Variants in MYO5A observed in about 807,000 individuals in gnomAD.
MYO5A encodes unconventional myosin-Va.
A neutral mutation model predicts 249.7 loss-of-function variants in MYO5A; 98 were observed. The ratio of observed to expected loss-of-function variants is 0.39; its 90% CI spans 0.33 to 0.46. The LOEUF (loss-of-function observed/expected upper bound fraction) is 0.46, where lower values mean the gene tolerates loss of function less well. MYO5A is among the 20% of genes least tolerant of loss of function. MYO5A has a pLI of 0.98. For missense variants in MYO5A, 1,696 were observed against 2,308.8 expected, an observed-to-expected ratio of 0.73 and a Z score of 5.44; for synonymous variants, 778 against 810.6, an observed-to-expected ratio of 0.96 and a Z score of 0.68.
chr15:52,509,908 G>A (rs746905014), intron 1 of MYO5A, among the ~76,000 whole-genome samples: 6 of 151,854 alleles, frequency 4.0e-5, no homozygotes, highest in Non-Finnish European at 7.4e-5. Context: ...AAAAAAAAGA[G>A]CACAAAAAAG....
chr15:52,420,877 G>C (rs982971300), intron 4 of MYO5A, among the ~76,000 whole-genome samples: 1 of 152,126 alleles, frequency 6.6e-6, no homozygotes, highest in African/African-American at 2.4e-5. Flanking sequence ...AAGAAGAAAG[G>C]CTTCAGAGTC....
intron 1 of MYO5A, among the ~76,000 whole-genome samples, chr15:52,474,924 C>T (rs1178438211): frequency 6.6e-6 from 1 of 152,172 alleles, no homozygotes; most frequent in African/African-American, 2.4e-5. Flanking sequence ...GGAGGATTCC[C>T]TCTTTTTCTA....
chr15:52,432,125 A>G (rs1440472022), intron 2 of MYO5A, among the ~76,000 whole-genome samples: 1 of 150,942 alleles, frequency 6.6e-6, no homozygotes. Context: ...GATTAAAGTA[A>G]TAAATAAATG....
At position 52,519,043 on chromosome 15, in the gene MYO5A, G is replaced by A. The variant is rs117203542; in HGVS notation, c.27+9737C>T. On this transcript the variant is annotated intron_variant, in intron 1 of 41. Coordinates refer to ENST00000399233, the MANE Select transcript of MYO5A (RefSeq NM_001382347.1). ...GTGGGTAGATAAAATTAAATAGTAG[G>A]GGGATAAAGCAGATGAACAGGTGGA... Among the ~76,000 whole-genome samples, 687 of 152,190 alleles carry A rather than the reference G, an allele frequency of 4.5e-3. 2 individuals carry two copies. The highest frequency in any genetic ancestry group is 7.6e-3 in the Non-Finnish European group (517 of 68,014).
chr15:52,315,478 C>A (rs886655942), intron 40 of MYO5A, among the ~76,000 whole-genome samples: 2 of 151,938 alleles, frequency 1.3e-5, no homozygotes, highest in African/African-American at 2.4e-5. Flanking sequence ...AGGTTCAAGT[C>A]ATTCTCCTGC....
chr15:52,358,025 A>G (rs1248857576), intron 25 of MYO5A, among the ~76,000 whole-genome samples: 1 of 152,222 alleles, frequency 6.6e-6, no homozygotes. Context: ...GGTGTGAGAA[A>G]GCTTGACAGC....
Position 52,491,821 on chromosome 15 carries a change from C to T in MYO5A, c.27+36959G>A, listed in dbSNP as rs12437871. Among the ~76,000 whole-genome samples the T allele has an allele frequency of 2.2e-3, 330 of 152,274 alleles. 5 individuals carry two copies. The highest frequency in any genetic ancestry group is 0.015 in the Admixed American group (235 of 15,276). ...ATTTACAAAGCAACACATTGAACTACACCATGGCAACATAATTAGCAAAAA... is the reference window on the plus strand; with the variant it reads ...ATTTACAAAGCAACACATTGAACTATACCATGGCAACATAATTAGCAAAAA... On this transcript the variant is annotated intron_variant, in intron 1 of 41. Transcript: ENST00000399233.
chr15:52,351,883 C>A (rs1437652902), intron 27 of MYO5A, among the ~76,000 whole-genome samples: 1 of 152,180 alleles, frequency 6.6e-6, no homozygotes, highest in Non-Finnish European at 1.5e-5. Context: ...ATGAATGATT[C>A]AGATGGGTGG....
rs2039320198 is a variant in MYO5A, at chr15:52,340,355, A to G, written c.4080T>C (p.His1360=). ...ESQLQSQKRS[H]ENEAEALRGE... is the part of the protein sequence containing the mutation. ...CACGGAGGGCCTCGGCCTCATTCTCATGGCTCCTCTTCTGTGACTGCAGCT... is the reference window on the plus strand; with the variant it reads ...CACGGAGGGCCTCGGCCTCATTCTCGTGGCTCCTCTTCTGTGACTGCAGCT... The change falls in exon 32 of 42, where the codon CAT becomes CAC. Residue 1360 remains histidine, a synonymous_variant. Coordinates refer to ENST00000399233, the MANE Select transcript of MYO5A (RefSeq NM_001382347.1). The G allele has an allele frequency of 6.2e-7, 1 of 1,613,464 alleles. No individual in the cohort carries two copies. The highest frequency in any genetic ancestry group is 1.3e-5 in the African/African-American group (1 of 74,862).
chr15:52,457,420 CAAA>C (rs35282872), intron 1 of MYO5A, among the ~76,000 whole-genome samples: 6 of 87,196 alleles, frequency 6.9e-5, no homozygotes, highest in Admixed American at 2.4e-4. Context: ...GACCCTGTCT[CAAA>C]AAAAAAAAAA....
At chr15:52,502,729 G>A (rs1342854517) in intron 1 of MYO5A, among the ~76,000 whole-genome samples, 4 of 152,196 alleles carry the variant, frequency 2.6e-5, no homozygotes, top group Admixed American at 1.3e-4. Flanking sequence ...CTCTCATTGT[G>A]CCATTAGTAA....
intron 22 of MYO5A, among the ~76,000 whole-genome samples, chr15:52,369,738 G>C (rs919297579): frequency 6.6e-6 from 1 of 151,988 alleles, no homozygotes. Flanking sequence ...CATTGCCAAA[G>C]ACTGATTTTG....
intron 23 of MYO5A, 59 bp from the exon 24 acceptor site, chr15:52,364,761 A>G: frequency 6.3e-7 from 1 of 1,580,402 alleles, no homozygotes. Context: ...GCAATTGTGT[A>G]AACATGTATA....
chr15:52,405,762 G>T (rs1171806485), intron 8 of MYO5A, among the ~76,000 whole-genome samples: 2 of 152,182 alleles, frequency 1.3e-5, no homozygotes, highest in African/African-American at 4.8e-5. Flanking sequence ...AATGCACATA[G>T]CATACTTAAT....
rs548140411 is a variant in MYO5A at position 52,490,889 on chromosome 15, T to C, written c.27+37891A>G. On this transcript the variant is annotated intron_variant, in intron 1 of 41. Transcript: ENST00000399233. ...GGTGCAGCCACCACATCCAGCTAATTTTTTTATTTTTTGTATAGACGGGGT... is the reference window on the plus strand; with the variant it reads ...GGTGCAGCCACCACATCCAGCTAATCTTTTTATTTTTTGTATAGACGGGGT... Among the ~76,000 whole-genome samples, 64 of 152,106 alleles carry C rather than the reference T, an allele frequency of 4.2e-4. No individual in the cohort carries two copies. The East Asian group carries it at 0.012, about 29-fold the overall frequency.
At chr15:52,421,840 T>C (rs1379894681) in intron 4 of MYO5A, among the ~76,000 whole-genome samples, 1 of 152,250 alleles carries the variant, frequency 6.6e-6, no homozygotes, top group Non-Finnish European at 1.5e-5. Context: ...TTTGAGCTTA[T>C]ATGATTAGTT....
intron 4 of MYO5A, among the ~76,000 whole-genome samples, chr15:52,421,844 A>G (rs4776045): frequency 0.15 from 22,868 of 152,210 alleles, 1,822 homozygotes; most frequent in Middle Eastern, 0.22. Flanking sequence ...AGCTTATATG[A>G]TTAGTTATTG....
chr15:52,341,666 T>TG (rs2140991963), intron 31 of MYO5A, among the ~76,000 whole-genome samples: 1 of 20,436 alleles, frequency 4.9e-5, no homozygotes, highest in African/African-American at 1.3e-4. Context: ...GGACTAAAAA[T>TG]ATTTAGTGAT....
intron 28 of MYO5A, among the ~76,000 whole-genome samples, chr15:52,350,960 AT>A (rs1363895161): frequency 6.6e-6 from 1 of 152,230 alleles, no homozygotes; most frequent in Non-Finnish European, 1.5e-5. Flanking sequence ...ATTTAATAAA[AT>A]TTTATTTTAG....
Sources: gnomAD v4.1 joint callset for allele counts (sites outside exome capture counted in the v4.1 genomes callset) on GRCh38, gnomAD v4.1.1 for gene constraint, MANE v1.5 for transcripts, NCBI Gene and HGNC (gene_info 2026-07-23, HGNC 2026-07-21) for gene names.